The following NCKAP5 variants were observed in gnomAD, a reference collection of about 807,000 sequenced individuals.
NCKAP5 encodes the protein nck-associated protein 5.
A neutral mutation model predicts 167.0 loss-of-function variants in NCKAP5; 92 were observed. The ratio of observed to expected loss-of-function variants is 0.55; its 90% CI spans 0.47 to 0.66. The LOEUF is 0.66. Among genes scored for constraint, NCKAP5 ranks in the 30% least tolerant of loss-of-function variants. NCKAP5 has a pLI of 0.00. For synonymous variants in NCKAP5, 891 were observed against 877.4 expected, an observed-to-expected ratio of 1.02 and a Z score of -0.27; for missense variants, 2,378 against 2,315.0, an observed-to-expected ratio of 1.03 and a Z score of -0.56.
At chr2:133,339,253 C>T (rs1683416140) in intron 3 of NCKAP5, among the ~76,000 whole-genome samples, 1 of 151,990 alleles carries the variant, frequency 6.6e-6, no homozygotes, top group Non-Finnish European at 1.5e-5. Context: ...AAGAAAGAAT[C>T]TCCTAGAAAT....
At chr2:133,594,803 G>T in the NCKAP5 span, among the ~76,000 whole-genome samples, 2 of 152,140 alleles carry the variant, frequency 1.3e-5, no homozygotes. Flanking sequence ...AAGAGGATAT[G>T]GGTATGTTAC....
intron 16 of NCKAP5, among the ~76,000 whole-genome samples, chr2:132,753,683 G>T (rs980411822): frequency 6.6e-6 from 1 of 152,168 alleles, no homozygotes; most frequent in African/African-American, 2.4e-5. Flanking sequence ...AGAAAGCAAG[G>T]GTTTTGAGGG....
At position 132,860,618 on chromosome 2, in the gene NCKAP5, C is replaced by A. The variant is rs1226233535; in HGVS notation, c.688-7G>T. 1.3e-6 allele frequency: 2 copies of A among 1,563,450 alleles called. No individual in the cohort carries two copies. Among genetic ancestry groups the A allele is most frequent in the Admixed American group, 1.9e-5 (1 of 52,422 alleles). Reference sequence around the variant, plus strand: ...CACATTCCTCTCTTAGATCCTACAACAAACACATCGAAGGAGGAAAAAGTC... The same window carrying A: ...CACATTCCTCTCTTAGATCCTACAAAAAACACATCGAAGGAGGAAAAAGTC... On this transcript the variant is annotated splice_region_variant and splice_polypyrimidine_tract_variant and intron_variant, in intron 10 of 19. Transcript: ENST00000409261.
At chr2:132,949,730 T>TA (rs928249629) in intron 8 of NCKAP5, among the ~76,000 whole-genome samples, 3 of 151,058 alleles carry the variant, frequency 2.0e-5, no homozygotes, top group Admixed American at 6.6e-5. Flanking sequence ...CATGTGTCGC[T>TA]AAAAAAAAAG....
At chr2:133,322,712 A>G (rs2150681086) in intron 3 of NCKAP5, among the ~76,000 whole-genome samples, 1 of 152,340 alleles carries the variant, frequency 6.6e-6, no homozygotes, top group Non-Finnish European at 1.5e-5. Flanking sequence ...CCTAGGACAC[A>G]TAGAAGCTAT....
intron 19 of NCKAP5, among the ~76,000 whole-genome samples, chr2:132,699,533 A>G (rs1347626399): frequency 6.6e-6 from 1 of 151,060 alleles, no homozygotes; most frequent in Non-Finnish European, 1.5e-5. Context: ...CCTGTGTCCA[A>G]GTGTTCTCAT....
intron 3 of NCKAP5, among the ~76,000 whole-genome samples, chr2:133,319,588 A>T (rs1681886572): frequency 6.6e-6 from 1 of 152,194 alleles, no homozygotes; most frequent in East Asian, 1.9e-4. Context: ...CGGTCACCTA[A>T]GACAGAAATT....
chr2:132,898,038 A>G (rs1693340591), intron 8 of NCKAP5, among the ~76,000 whole-genome samples: 1 of 152,262 alleles, frequency 6.6e-6, no homozygotes, highest in East Asian at 1.9e-4. Context: ...ATAGCAAGCA[A>G]TGCTGTTTGA....
intron 3 of NCKAP5, among the ~76,000 whole-genome samples, chr2:133,432,977 A>G (rs1210749153): frequency 6.6e-6 from 1 of 152,186 alleles, no homozygotes; most frequent in East Asian, 1.9e-4. Context: ...AGGAGAATTA[A>G]TGGGTCAAAG....
In NCKAP5 at chr2:132,673,329, TA is replaced by T. The variant is rs1035917735; in HGVS notation, c.5714-25del. The T allele has an allele frequency of 4.3e-6, 6 of 1,402,840 alleles. No homozygotes were observed. In the African/African-American group the frequency reaches 8.7e-5, roughly 20 times the overall value. 86.9% of individuals were successfully genotyped at this position (1,402,840 alleles called of 1,614,324 possible). A position where few individuals can be genotyped will look rare whatever the true frequency, so the allele number is the denominator to read the frequency against. On this transcript the variant is annotated intron_variant, in intron 19 of 19. Transcript: ENST00000409261. ...TTCTGCAATAAAAAGAAGAAAATAT[TA>T]GAAACATATTTCTTTGGAAAATCAA...
chr2:133,529,905 T>A (rs1685221793), intron 2 of NCKAP5, among the ~76,000 whole-genome samples: 1 of 152,190 alleles, frequency 6.6e-6, no homozygotes, highest in Non-Finnish European at 1.5e-5. Flanking sequence ...GAATACATTT[T>A]GAATATTAAC....
intron 4 of NCKAP5, among the ~76,000 whole-genome samples, chr2:133,226,182 C>T (rs1223306350): frequency 6.6e-6 from 1 of 152,080 alleles, no homozygotes; most frequent in African/African-American, 2.4e-5. Context: ...CTCAAGTGAT[C>T]CTCCCACTTC....
chr2:132,937,697 A>T (rs894323012), intron 8 of NCKAP5, among the ~76,000 whole-genome samples: 3 of 152,244 alleles, frequency 2.0e-5, no homozygotes, highest in African/African-American at 7.2e-5. Context: ...AACATGCCAG[A>T]CCATTAAGAA....
chr2:132,773,801 T>G lies in NCKAP5; in HGVS notation c.5128+15A>C. ...TAAGTCTCCATAAAAGACATATGAA[T>G]ATGTGAATTTTTACCTATGATGTGG... On this transcript the variant is annotated intron_variant, in intron 16 of 19. Coordinates refer to ENST00000409261, the MANE Select transcript of NCKAP5 (RefSeq NM_207363.3). The G allele has an allele frequency of 6.3e-7, 1 of 1,592,290 alleles. No individual in the cohort carries two copies.
chr2:132,680,778 AGAAAGGCATCTGGGAAGAG>A (rs1685116768), intron 19 of NCKAP5, among the ~76,000 whole-genome samples: 1 of 152,186 alleles, frequency 6.6e-6, no homozygotes, highest in Non-Finnish European at 1.5e-5. Flanking sequence ...CTTATGGCAC[AGAAAGGCATCTGGGAAGAG>A]GAAAGGCATG....
chr2:133,470,601 T>A lies in NCKAP5; in HGVS notation c.69+46857A>T, dbSNP rs1439137772. On this transcript the variant is annotated intron_variant, in intron 3 of 19. Coordinates refer to ENST00000409261, the MANE Select transcript of NCKAP5 (RefSeq NM_207363.3). ...AAGGCTGGGCAATGGCGGGTGCCCC[T>A]CCCCCAGCCTCGCTGCCGCCTTGCA... 6.6e-5 allele frequency among the ~76,000 whole-genome samples: 10 copies of A among 152,038 alleles called. No individual in the cohort carries two copies. The East Asian group carries it at 1.7e-3, about 27-fold the overall frequency.
At chr2:133,618,612 C>T in the NCKAP5 span, among the ~76,000 whole-genome samples, 3 of 152,068 alleles carry the variant, frequency 2.0e-5, no homozygotes, top group South Asian at 2.1e-4. Flanking sequence ...GAGATACCAT[C>T]TCATACCAGT....
chr2:132,781,260 T>C (rs1683007555), intron 14 of NCKAP5, 31 bp from the exon 15 acceptor site: 1 of 1,597,638 alleles, frequency 6.3e-7, no homozygotes, highest in Non-Finnish European at 8.5e-7. Flanking sequence ...CTCTGATAAG[T>C]TACCTTGCTC....
intron 16 of NCKAP5, among the ~76,000 whole-genome samples, chr2:132,737,625 C>G (rs896956270): frequency 6.6e-6 from 1 of 152,116 alleles, no homozygotes; most frequent in African/African-American, 2.4e-5. Context: ...CTGCTGCTCC[C>G]TACTCCCAGC....
Sources: gnomAD v4.1 joint callset for allele counts (sites outside exome capture counted in the v4.1 genomes callset) on GRCh38, gnomAD v4.1.1 for gene constraint, MANE v1.5 for transcripts, NCBI Gene and HGNC (gene_info 2026-07-23, HGNC 2026-07-21) for gene names.